Variants in DNAH5 observed in about 807,000 individuals in gnomAD.
The protein encoded by DNAH5 is axonemal beta dynein heavy chain 5.
Under a neutral mutation model 518.2 loss-of-function variants are expected in DNAH5, and 372 were observed. The observed-to-expected ratio is 0.72, with a 90% CI of 0.66 to 0.78. The LOEUF is 0.78. Among genes scored for constraint, DNAH5 ranks in the 30% least tolerant of loss-of-function variants. DNAH5 has a pLI of 0.00. For missense variants in DNAH5, 5,523 were observed against 5,687.0 expected (o/e 0.97, Z 0.93); for synonymous variants, 2,039 against 2,025.9 (o/e 1.01, Z -0.17).
chr5:13,862,834 T>A, intron 28 of DNAH5, 87 bp from the exon 29 acceptor site: 2 of 545,450 alleles, frequency 3.7e-6, no homozygotes, highest in Non-Finnish European at 5.9e-6. Context: ...ATCTTCACTA[T>A]TTGCTTCATA....
At chr5:13,719,178 T>A in intron 71 of DNAH5, 77 bp from the exon 72 acceptor site, 1 of 1,155,850 alleles carries the variant, frequency 8.7e-7, no homozygotes, top group Non-Finnish European at 1.3e-6. Flanking sequence ...CTTTAGAAAT[T>A]AAGTAATTAA....
At chr5:13,964,296 C>T (rs1781391393) in intron 1 of DNAH5, among the ~76,000 whole-genome samples, 1 of 152,210 alleles carries the variant, frequency 6.6e-6, no homozygotes, top group African/African-American at 2.4e-5. Flanking sequence ...TTTTGAGCCC[C>T]TCTGGCTCCT....
intron 52 of DNAH5, among the ~76,000 whole-genome samples, chr5:13,782,109 C>T (rs181074376): frequency 4.6e-5 from 7 of 152,224 alleles, no homozygotes; most frequent in Admixed American, 1.3e-4. Flanking sequence ...TTTCTCTTTC[C>T]CTCCTAACTG....
At chr5:13,884,403 A>G (rs1030119089) in intron 19 of DNAH5, among the ~76,000 whole-genome samples, 1 of 152,250 alleles carries the variant, frequency 6.6e-6, no homozygotes, top group African/African-American at 2.4e-5. Context: ...ATTAACAAAA[A>G]CTTAAGCAAA....
At chr5:13,720,772 T>C (rs963123241) in intron 71 of DNAH5, among the ~76,000 whole-genome samples, 1 of 152,142 alleles carries the variant, frequency 6.6e-6, no homozygotes, top group Non-Finnish European at 1.5e-5. Context: ...TTTGTTTTCA[T>C]CTAACTGAGT....
intron 29 of DNAH5, 66 bp downstream of exon 29, chr5:13,862,482 C>G: frequency 1.3e-6 from 2 of 1,485,226 alleles, no homozygotes; most frequent in Non-Finnish European, 1.9e-6. Context: ...ATGGATTTTT[C>G]ATTAATTTTA....
Position 13,944,520 on chromosome 5 carries a change from G to A in DNAH5, c.-82C>T. 8.1e-7 allele frequency: 1 copy of A among 1,231,810 alleles called. No individual in the cohort carries two copies. Among genetic ancestry groups the A allele is most frequent in the Non-Finnish European group, 1.2e-6 (1 of 845,094 alleles). The allele number at this position is 1,231,810 out of a possible 1,614,324, so 76.3% of individuals were successfully genotyped here. On this transcript the variant is annotated 5_prime_UTR_variant, in exon 1 of 79. Transcript: ENST00000265104. ...TGGCAGACCTGCTCAACATCCAACAGGCTTCCAAATGGAAAGTTTTACTTC... is the reference window on the plus strand; with the variant it reads ...TGGCAGACCTGCTCAACATCCAACAAGCTTCCAAATGGAAAGTTTTACTTC...
intron 30 of DNAH5, among the ~76,000 whole-genome samples, chr5:13,856,092 G>C (rs6895510): frequency 0.38 from 57,572 of 151,848 alleles, 11,147 homozygotes; most frequent in South Asian, 0.47. Flanking sequence ...AAGAACTAGA[G>C]AATCAAGAGC....
chr5:13,697,595 A>T (rs1228219946), intron 78 of DNAH5, among the ~76,000 whole-genome samples: 1 of 152,160 alleles, frequency 6.6e-6, no homozygotes, highest in African/African-American at 2.4e-5. Flanking sequence ...ACCTTTAAAC[A>T]TTCTCCATAA....
chr5:13,976,353 T>C (rs1482781645), intron 1 of DNAH5, among the ~76,000 whole-genome samples: 1 of 152,194 alleles, frequency 6.6e-6, no homozygotes, highest in East Asian at 1.9e-4. Context: ...TTGTACACTA[T>C]ACTGAGTAGT....
At chr5:13,996,838 G>A (rs1783999115) in intron 1 of DNAH5, among the ~76,000 whole-genome samples, 1 of 152,234 alleles carries the variant, frequency 6.6e-6, no homozygotes, top group African/African-American at 2.4e-5. Context: ...CTCAGGGGCA[G>A]CCCCAATCCC....
chr5:13,811,551 G>T, intron 44 of DNAH5, 96 bp downstream of exon 44: 1 of 1,216,248 alleles, frequency 8.2e-7, no homozygotes, highest in Non-Finnish European at 1.2e-6. Flanking sequence ...TCTCTGTATA[G>T]CATGGCTACA....
At chr5:13,864,825 T>G (rs1205348613) in intron 27 of DNAH5, among the ~76,000 whole-genome samples, 188 bp from the exon 28 acceptor site, 1 of 152,150 alleles carries the variant, frequency 6.6e-6, no homozygotes, top group East Asian at 1.9e-4. Flanking sequence ...AAAATTGTCC[T>G]CTCCATTAGA....
intron 2 of DNAH5, among the ~76,000 whole-genome samples, chr5:13,929,583 T>C (rs1778219575): frequency 6.6e-6 from 1 of 152,178 alleles, no homozygotes; most frequent in African/African-American, 2.4e-5. Context: ...ATTTCCACCA[T>C]GATTGAAGAT....
In DNAH5 at chr5:13,810,139, G is replaced by C. The variant is rs1162259669; in HGVS notation, c.7529C>G (p.Ser2510Cys). The change falls in exon 45 of 79, where the codon TCT (serine) becomes TGT (cysteine). Residue 2510 changes from serine to cysteine, a missense_variant. By Grantham distance (112) the Ser-to-Cys change is moderately radical. Around this residue, in one of 3 missense-constraint regions of DNAH5, gnomAD observed 5,121 missense variants for 5,223.3 expected, o/e 0.98. Coordinates refer to ENST00000265104, the MANE Select transcript of DNAH5 (RefSeq NM_001369.3). Reference protein sequence around the residue: ...GRRRLELWLRSRPTGTLELPP... With the variant: ...GRRRLELWLRCRPTGTLELPP... The stretch of plus-strand genomic sequence containing the variant: ...CAGCTCCAGCGTCCCTGTGGGCCGA[G>C]AGCGCAGCCAGAGCTCCAGGCGGCG... 1.3e-6 allele frequency: 2 copies of C among 1,549,204 alleles called. No homozygotes were observed. The highest frequency in any genetic ancestry group is 1.7e-6 in the Non-Finnish European group (2 of 1,146,210).
At chr5:13,991,674 G>A (rs571309492) in intron 1 of DNAH5, among the ~76,000 whole-genome samples, 11 of 152,188 alleles carry the variant, frequency 7.2e-5, no homozygotes, top group East Asian at 1.9e-4. Context: ...ATGGAGAAAC[G>A]AGGGAGGCGT....
upstream of DNAH5, among the ~76,000 whole-genome samples, chr5:13,945,032 T>C (rs1465780508): frequency 6.6e-6 from 1 of 152,256 alleles, no homozygotes; most frequent in Non-Finnish European, 1.5e-5. Context: ...GATAGGCTAA[T>C]TGTGACCCAT....
At position 13,729,127 on chromosome 5, in the gene DNAH5, C is replaced by G. The variant is rs1211046707; in HGVS notation, c.11883+312G>C. Among the ~76,000 whole-genome samples the G allele has an allele frequency of 2.0e-5, 3 of 152,186 alleles. No homozygotes were observed. In the East Asian group the frequency reaches 5.8e-4, roughly 29 times the overall value. Reference sequence around the variant, plus strand: ...GAAGGAAAAGGCTTTTTAAGTCTATCTAATTATTTAATCTAATTGGATCTA... The same window carrying G: ...GAAGGAAAAGGCTTTTTAAGTCTATGTAATTATTTAATCTAATTGGATCTA... On this transcript the variant is annotated intron_variant, in intron 69 of 78. Transcript: ENST00000265104.
intron 21 of DNAH5, among the ~76,000 whole-genome samples, chr5:13,879,488 C>CA (rs1007975723): frequency 1.3e-5 from 2 of 151,308 alleles, no homozygotes; most frequent in East Asian, 1.9e-4. Context: ...ATTATAAAGT[C>CA]AAAAAAAATG....
Sources: allele counts gnomAD v4.1 joint callset (sites outside exome capture counted in the v4.1 genomes callset), GRCh38; gene constraint gnomAD v4.1.1; regional missense constraint gnomAD v4.1.1; transcripts MANE v1.5; gene names NCBI Gene and HGNC (gene_info 2026-07-23, HGNC 2026-07-21).